The following HHLA1 variants were observed in gnomAD, a reference collection of about 807,000 sequenced individuals.
The protein encoded by HHLA1 is HHLA1 neighbor of OC90, also known as HERV-H LTR-associating protein 1.
Under a neutral mutation model 69.9 loss-of-function variants are expected in HHLA1, and 72 were observed. That is an observed-to-expected ratio of 1.03 (90% CI 0.85 to 1.25). The LOEUF is 1.25. Among genes scored for constraint, HHLA1 ranks in the 50% most tolerant of loss-of-function variants. The pLI, the probability that HHLA1 is intolerant of heterozygous loss-of-function variation, is 0.00. For missense variants in HHLA1, 685 were observed against 642.2 expected, an observed-to-expected ratio of 1.07 and a Z score of -0.72; for synonymous variants, 252 against 233.2, an observed-to-expected ratio of 1.08 and a Z score of -0.73.
chr8:132,087,892 C>T lies in HHLA1; in HGVS notation c.542G>A (p.Ser181Asn), dbSNP rs1301522297. Residue 181 changes from serine (S) to asparagine (N), a missense_variant, in exon 9 of 17, where the codon AGC becomes AAC. Ser to Asn is a conservative substitution (Grantham distance 46). Coordinates refer to ENST00000414222, the MANE Select transcript of HHLA1 (RefSeq NM_001145095.3). Reference sequence around the variant, plus strand: ...GATGAAGATGCAATCTGATTCATTGCTTTGATTCACTGTAAGACAAACGAG... The same window carrying T: ...GATGAAGATGCAATCTGATTCATTGTTTTGATTCACTGTAAGACAAACGAG... The part of the protein sequence containing the change: ...KSTSILSVNQ[S>N]NESDCIFICV... The T allele has an allele frequency of 1.3e-6, 2 of 1,550,890 alleles. No homozygotes were observed. Among genetic ancestry groups the T allele is most frequent in the South Asian group, 1.2e-5 (1 of 84,044 alleles).
Position 132,095,704 on chromosome 8 carries a change from G to C in HHLA1, c.363C>G (p.Asn121Lys), listed in dbSNP as rs371310427. 3 of 1,550,814 alleles carry C rather than the reference G, an allele frequency of 1.9e-6. No individual in the cohort carries two copies. The African/African-American group carries it at 4.1e-5, about 21-fold the overall frequency. The part of the protein sequence containing the change: ...AFHKFSVAVY[N>K]ISNLKTVDPA... The stretch of plus-strand genomic sequence containing the variant: ...CAAGAAGAGCCAGCCAGCACTCACT[G>C]TTGTAAACAGCTACAGAAAACTTGT... Residue 121 changes from asparagine (N) to lysine (K), a missense_variant and splice_region_variant, in exon 6 of 17, where the codon AAC becomes AAG. By Grantham distance (94) the Asn-to-Lys change is moderately conservative. Transcript: ENST00000414222.
intron 5 of HHLA1, among the ~76,000 whole-genome samples, chr8:132,097,712 G>T (rs1041675813): frequency 6.6e-6 from 1 of 152,242 alleles, no homozygotes; most frequent in East Asian, 1.9e-4. Flanking sequence ...CCTTCTTATC[G>T]TGCACCTCCC....
At chr8:132,099,330 C>G (rs1205617406) in intron 4 of HHLA1, among the ~76,000 whole-genome samples, 1 of 152,212 alleles carries the variant, frequency 6.6e-6, no homozygotes, top group Non-Finnish European at 1.5e-5. Flanking sequence ...AAAATAAGTA[C>G]CCCATGTAAA....
intron 12 of HHLA1, among the ~76,000 whole-genome samples, chr8:132,077,127 A>G (rs1233148216): frequency 6.6e-6 from 1 of 152,130 alleles, no homozygotes; most frequent in Non-Finnish European, 1.5e-5. Context: ...CAAGCAGGCA[A>G]GTTCCGTCAT....
At chr8:132,086,003 C>A (rs1823854849) in intron 10 of HHLA1, among the ~76,000 whole-genome samples, 1 of 151,688 alleles carries the variant, frequency 6.6e-6, no homozygotes, top group South Asian at 2.1e-4. Flanking sequence ...AGGCCTGACA[C>A]TAAAAACCAA....
chr8:132,082,878 GA>G (rs1341071230), intron 10 of HHLA1, among the ~76,000 whole-genome samples: 15 of 151,962 alleles, frequency 9.9e-5, no homozygotes, highest in African/African-American at 3.4e-4. Flanking sequence ...CAGGTAAAAT[GA>G]GGGAATTGTA....
chr8:132,086,275 G>T (rs1823860793), intron 10 of HHLA1, among the ~76,000 whole-genome samples: 1 of 152,156 alleles, frequency 6.6e-6, no homozygotes, highest in Non-Finnish European at 1.5e-5. Context: ...ACAAAGACTG[G>T]CCTATAGTCT....
In HHLA1 at chr8:132,098,890, G is replaced by T. The variant is rs369994118; in HGVS notation, c.272C>A (p.Ala91Glu). ...TELVNGMLSR[A>E]LKDSKKFFSL... is the part of the protein sequence containing the mutation. Reference sequence around the variant, plus strand: ...TTTTAAAATATGATTACCTTTTAACGCTCTACTGAGCATCCCATTCACAAG... The same window carrying T: ...TTTTAAAATATGATTACCTTTTAACTCTCTACTGAGCATCCCATTCACAAG... The change falls in exon 5 of 17, where the codon GCG becomes GAG. Residue 91 changes from alanine (A) to glutamate (E), a missense_variant. By Grantham distance (107) the Ala-to-Glu change is moderately radical (BLOSUM62 -1). Transcript: ENST00000414222. 1.9e-6 allele frequency: 3 copies of T among 1,546,828 alleles called. No individual in the cohort carries two copies. The highest frequency in any genetic ancestry group is 3.9e-5 in the Admixed American group (2 of 50,938).
rs906023201 is a variant in HHLA1, at chr8:132,061,994, A to G, written c.*2001T>C. The G allele has an allele frequency of 2.0e-5, 3 of 152,242 alleles. No homozygotes were observed. Among genetic ancestry groups the G allele is most frequent in the Admixed American group, 2.0e-4 (3 of 15,284 alleles). 9.4% of individuals were successfully genotyped at this position (152,242 alleles called of 1,614,324 possible). The stretch of plus-strand genomic sequence containing the variant: ...TTCACATGGGTTTCCCCACAAGTGA[A>G]TAGCCCCAGTCTTGGGCCCAAGCCA... On this transcript the variant is annotated 3_prime_UTR_variant, in exon 17 of 17. Coordinates refer to ENST00000414222, the MANE Select transcript of HHLA1 (RefSeq NM_001145095.3).
At chr8:132,107,908 G>A (rs570660449) in intron 1 of HHLA1, among the ~76,000 whole-genome samples, 2 of 152,308 alleles carry the variant, frequency 1.3e-5, no homozygotes, top group East Asian at 3.9e-4. Flanking sequence ...AGACTATCTG[G>A]CCTTACGCTT....
intron 5 of HHLA1, among the ~76,000 whole-genome samples, chr8:132,098,269 G>T (rs1217430092): frequency 1.3e-5 from 2 of 152,122 alleles, no homozygotes; most frequent in East Asian, 3.8e-4. Context: ...ACAGAAAGAA[G>T]ATTACAATAA....
rs749337700 is a variant in HHLA1 at position 132,095,525 on chromosome 8, A to G, written c.442T>C (p.Leu148=). Reference sequence around the variant, plus strand: ...CATGGTAAGCTGTACCCACCTGATAAGTCATTGGTCCGATTGTTTAAACAG... The same window carrying G: ...CATGGTAAGCTGTACCCACCTGATAGGTCATTGGTCCGATTGTTTAAACAG... ...CYCLNNRTND[L]SDFTALLVDI... Residue 148 remains leucine, a synonymous_variant, in exon 7 of 17, where the codon TTA becomes CTA. Coordinates refer to ENST00000414222, the MANE Select transcript of HHLA1 (RefSeq NM_001145095.3). The G allele has an allele frequency of 7.1e-6, 11 of 1,546,810 alleles. No individual in the cohort carries two copies. The highest frequency in any genetic ancestry group is 1.2e-5 in the South Asian group (1 of 83,964).
At position 132,077,958 on chromosome 8, in the gene HHLA1, C is replaced by T. The variant is rs1265868094; in HGVS notation, c.939G>A (p.Val313=). The T allele has an allele frequency of 1.3e-6, 2 of 1,551,606 alleles. No homozygotes were observed. The highest frequency in any genetic ancestry group is 3.9e-5 in the Admixed American group (2 of 50,996). Residue 313 remains valine (V), a synonymous_variant, in exon 12 of 17, where the codon GTG becomes GTA. Coordinates refer to ENST00000414222, the MANE Select transcript of HHLA1 (RefSeq NM_001145095.3). ...CAGCTGTCAACCACTGAGTTCTGGC[C>T]ACCCTCCTGGTAGCTGCACATTCAA... ...HTLPALATRR[V]ARTQWLTADR...
Position 132,079,950 on chromosome 8 carries a change from T to G in HHLA1, c.693A>C (p.Gly231=). ...LSGVLGAATR[G]TARTSKPTTK... is the part of the protein sequence containing the mutation. ...TTGTGGGCTTTGAAGTCCTGGCAGT[T>G]CCCCTGGTAGCTGCACCTTCAGGGA... The change falls in exon 11 of 17, where the codon GGA becomes GGC. Residue 231 remains glycine, a synonymous_variant. Coordinates refer to ENST00000414222, the MANE Select transcript of HHLA1 (RefSeq NM_001145095.3). 1 of 1,552,234 alleles carries G rather than the reference T, an allele frequency of 6.4e-7. No individual in the cohort carries two copies. The highest frequency in any genetic ancestry group is 1.2e-5 in the South Asian group (1 of 84,054).
Position 132,090,356 on chromosome 8 carries a change from G to A in HHLA1, c.449-757C>T, listed in dbSNP as rs542613307. Among the ~76,000 whole-genome samples, 171 of 152,220 alleles carry A rather than the reference G, an allele frequency of 1.1e-3. No homozygotes were observed. In the Middle Eastern group the frequency reaches 0.017, roughly 15 times the overall value. On this transcript the variant is annotated intron_variant, in intron 7 of 16. Transcript: ENST00000414222. ...GCTTTCCACGATCCAGCAAATTCTT[G>A]ACTTCTAAACAAGGCGAATGTGTTT...
intron 13 of HHLA1, 31 bp downstream of exon 13, chr8:132,076,444 C>A: frequency 3.6e-6 from 5 of 1,405,750 alleles, no homozygotes; most frequent in Non-Finnish European, 4.9e-6. Context: ...CCCCCACCCC[C>A]AAACCCCCAC....
At chr8:132,095,647 G>C in intron 6 of HHLA1, 45 bp from the exon 7 acceptor site, 1 of 1,522,772 alleles carries the variant, frequency 6.6e-7, no homozygotes, top group Non-Finnish European at 8.9e-7. Flanking sequence ...ACACAGACCA[G>C]CCCTGCAACA....
In HHLA1 at chr8:132,095,730, G is replaced by C. The variant is rs1399732911; in HGVS notation, c.337C>G (p.His113Asp). The stretch of plus-strand genomic sequence containing the variant: ...TTGTAAACAGCTACAGAAAACTTGT[G>C]GAAGGCGAAGGAACTGTAGGAAGTG... Reference protein sequence around the residue: ...SVTSYSSFAFHKFSVAVYNIS... With the variant: ...SVTSYSSFAFDKFSVAVYNIS... Residue 113 changes from histidine (H) to aspartate (D), a missense_variant, in exon 6 of 17, where the codon CAC becomes GAC. By Grantham distance (81) the His-to-Asp change is moderately conservative. Transcript: ENST00000414222. The C allele has an allele frequency of 6.4e-7, 1 of 1,551,204 alleles. No individual in the cohort carries two copies. The highest frequency in any genetic ancestry group is 1.4e-5 in the African/African-American group (1 of 73,104).
intron 2 of HHLA1, 29 bp from the exon 3 acceptor site, chr8:132,104,196 A>G: frequency 6.8e-7 from 1 of 1,477,432 alleles, no homozygotes; most frequent in South Asian, 1.2e-5. Context: ...AATCACAGAA[A>G]TTATAACCAA....
Sources: allele counts gnomAD v4.1 joint callset (sites outside exome capture counted in the v4.1 genomes callset), GRCh38; gene constraint gnomAD v4.1.1; transcripts MANE v1.5; gene names NCBI Gene and HGNC (gene_info 2026-07-23, HGNC 2026-07-21).